The following FBXL19 variants were observed in gnomAD, a reference collection of about 807,000 sequenced individuals.
FBXL19 encodes the protein F-box and leucine rich repeat protein 19.
A neutral mutation model predicts 71.2 loss-of-function variants in FBXL19; 16 were observed. That is an observed-to-expected ratio of 0.22 (90% CI 0.15 to 0.34). The LOEUF is 0.34. Among genes scored for constraint, FBXL19 ranks in the 10% least tolerant of loss-of-function variants. FBXL19 has a pLI of 1.00. For synonymous variants in FBXL19, 447 were observed against 409.4 expected (o/e 1.09, Z -1.11); for missense variants, 658 against 968.2 (o/e 0.68, Z 4.25).
chr16:30,944,132 C>T (rs1399411071), intron 9 of FBXL19, among the ~76,000 whole-genome samples: 1 of 134,734 alleles, frequency 7.4e-6, no homozygotes, highest in Non-Finnish European at 1.5e-5. Context: ...GAATTCAGTT[C>T]AGTTCAGCCC....
intron 2 of FBXL19, among the ~76,000 whole-genome samples, 150 bp from the exon 3 acceptor site, chr16:30,927,156 TCA>T (rs946215118): frequency 6.6e-6 from 1 of 152,188 alleles, no homozygotes; most frequent in African/African-American, 2.4e-5. Flanking sequence ...TTGCTTGAGG[TCA>T]CACTCCCAAA....
At chr16:30,933,223 G>A (rs1183950343) in intron 7 of FBXL19, among the ~76,000 whole-genome samples, 4 of 151,774 alleles carry the variant, frequency 2.6e-5, no homozygotes, top group African/African-American at 9.7e-5. Context: ...GGCTGGTCTC[G>A]AACTCCTGAC....
chr16:30,941,078 T>C (rs2055797340), intron 7 of FBXL19, among the ~76,000 whole-genome samples: 1 of 152,192 alleles, frequency 6.6e-6, no homozygotes, highest in Non-Finnish European at 1.5e-5. Flanking sequence ...TTGGGACCTA[T>C]AACGCTTTCT....
upstream of FBXL19, chr16:30,923,393 T>A (rs1596647722): frequency 5.5e-6 from 2 of 364,250 alleles, no homozygotes; most frequent in Non-Finnish European, 1.1e-5. Flanking sequence ...TGTTCCCCCG[T>A]AGCATCAGTG....
chr16:30,925,792 G>C lies in FBXL19; in HGVS notation c.38G>C (p.Arg13Pro). 6.7e-7 allele frequency: 1 copy of C among 1,491,512 alleles called. No homozygotes were observed. Among genetic ancestry groups the C allele is most frequent in the Non-Finnish European group, 8.9e-7 (1 of 1,124,030 alleles). 92.4% of individuals were successfully genotyped at this position (1,491,512 alleles called of 1,614,324 possible). A position where few individuals can be genotyped will look rare whatever the true frequency, so the allele number is the denominator to read the frequency against. ...AGCCGGGGGCCGGGGGCCGGAGCGCGCCGACGCCGAACCCGCTGCCGCCGC... is the reference window on the plus strand; with the variant it reads ...AGCCGGGGGCCGGGGGCCGGAGCGCCCCGACGCCGAACCCGCTGCCGCCGC... ...SSSRGPGAGARRRRTRCRRCR... is the reference protein window; with the variant it reads ...SSSRGPGAGAPRRRTRCRRCR... Residue 13 changes from arginine (R) to proline (P), a missense_variant, in exon 2 of 11, where the codon CGC becomes CCC. Transcript: ENST00000338343. The surrounding 1 kb of genome is among the most constrained non-coding windows in gnomAD (Gnocchi z 5.0).
At chr16:30,945,524 G>A (rs1016995278) in intron 9 of FBXL19, among the ~76,000 whole-genome samples, 24 of 151,838 alleles carry the variant, frequency 1.6e-4, no homozygotes, top group Non-Finnish European at 2.2e-4. Flanking sequence ...TTAGCCAGGC[G>A]TGGTGGCAAA....
At chr16:30,935,251 C>T (rs74822307) in intron 7 of FBXL19, among the ~76,000 whole-genome samples, 2 of 152,182 alleles carry the variant, frequency 1.3e-5, no homozygotes, top group East Asian at 3.9e-4. Flanking sequence ...CTAATGGCAC[C>T]TGGCGGACAG....
upstream of FBXL19, chr16:30,923,342 C>T: frequency 2.5e-6 from 1 of 402,540 alleles, no homozygotes. Context: ...GCACGCCCTC[C>T]GCCGTCCTGT....
chr16:30,931,301 G>A (rs1485639339), intron 7 of FBXL19, among the ~76,000 whole-genome samples: 2 of 152,184 alleles, frequency 1.3e-5, no homozygotes, highest in African/African-American at 2.4e-5. Flanking sequence ...AGAGGCCTTC[G>A]GCGTGTTGAC....
chr16:30,931,073 G>A (rs1669272036), intron 7 of FBXL19, among the ~76,000 whole-genome samples: 1 of 152,246 alleles, frequency 6.6e-6, no homozygotes, highest in Non-Finnish European at 1.5e-5. Context: ...GCCCTCGAAA[G>A]ACAGCCAGGC....
chr16:30,925,965 C>T lies in FBXL19; in HGVS notation c.177+34C>T. On this transcript the variant is annotated intron_variant, in intron 2 of 10. Transcript: ENST00000338343. This position sits in a 1 kb window ranked among gnomAD's most constrained non-coding sequence, Gnocchi z 5.0. ...TGCCCCCACCTTTGGGCTCTGCCCA[C>T]CCTTCCCAATACCTTCTTGGAATGG... 6.9e-7 allele frequency: 1 copy of T among 1,458,312 alleles called. No homozygotes were observed. The allele number at this position is 1,458,312 out of a possible 1,614,324, so 90.3% of individuals were successfully genotyped here.
At chr16:30,926,296 C>T (rs1438071350) in intron 2 of FBXL19, among the ~76,000 whole-genome samples, 3 of 152,228 alleles carry the variant, frequency 2.0e-5, no homozygotes, top group African/African-American at 7.2e-5. Flanking sequence ...CTGGCCTCTT[C>T]CTCACCCAGG....
At chr16:30,929,944 C>T (rs943772605) in intron 6 of FBXL19, 129 bp from the exon 7 acceptor site, 63 of 1,281,366 alleles carry the variant, frequency 4.9e-5, no homozygotes, top group Middle Eastern at 2.1e-4. Flanking sequence ...TCTCACTGTC[C>T]GGAGCAGAGC....
chr16:30,928,684 C>G (rs1392586055), intron 6 of FBXL19, 56 bp downstream of exon 6: 5 of 1,423,946 alleles, frequency 3.5e-6, no homozygotes, highest in Non-Finnish European at 4.6e-6. Flanking sequence ...CACCCTTCAC[C>G]CTGGAGCCCA....
chr16:30,930,484 G>A lies in FBXL19; in HGVS notation c.1201G>A (p.Asp401Asn). 1 of 1,533,168 alleles carries A rather than the reference G, an allele frequency of 6.5e-7. No homozygotes were observed. The highest frequency in any genetic ancestry group is 8.7e-7 in the Non-Finnish European group (1 of 1,145,426). The allele number at this position is 1,533,168 out of a possible 1,614,324, so 95.0% of individuals were successfully genotyped here. The change falls in exon 7 of 11, where the codon GAC (aspartate) becomes AAC (asparagine). Residue 401 changes from aspartate (D) to asparagine (N), a missense_variant. Physicochemically the swap from Asp to Asn is conservative, Grantham distance 23. Transcript: ENST00000338343. This position sits in a 1 kb window ranked among gnomAD's most constrained non-coding sequence, Gnocchi z 8.5. ...PDTLPLAAGS[D>N]HPLPRAAWLR... ...CACACTCCCCTTGGCTGCTGGATCC[G>A]ACCACCCCCTGCCCCGGGCCGCCTG...
Position 30,947,810 on chromosome 16 carries a change from C to T in FBXL19, c.*580C>T, listed in dbSNP as rs185434226. On this transcript the variant is annotated 3_prime_UTR_variant, in exon 11 of 11. Coordinates refer to ENST00000338343, the MANE Select transcript of FBXL19 (RefSeq NM_001382779.1). ...AGAGCAGGTGTGGGGACAGCAATAC[C>T]CCCTTGGGGGTCACCTCTCTGCTTC... The T allele has an allele frequency of 7.0e-5, 31 of 439,938 alleles. No individual in the cohort carries two copies. Among genetic ancestry groups the T allele is most frequent in the Non-Finnish European group, 1.4e-4 (30 of 219,412 alleles). The allele number at this position is 439,938 out of a possible 1,614,324, so 27.3% of individuals were successfully genotyped here.
intron 7 of FBXL19, among the ~76,000 whole-genome samples, chr16:30,931,545 C>G (rs2055674005): frequency 6.6e-6 from 1 of 152,102 alleles, no homozygotes; most frequent in Non-Finnish European, 1.5e-5. Context: ...TTCATAATGG[C>G]AGCCCTGTGA....
At position 30,925,235 on chromosome 16, in the gene FBXL19, CG is replaced by C. The variant is rs981050192; in HGVS notation, c.-24-489del. ...GCTGTGGATGAAAAGGTTGGTGGGGCGGGGGGGAGGAAAAGTCCGGAGCTTC... is the reference window on the plus strand; with the variant it reads ...GCTGTGGATGAAAAGGTTGGTGGGGCGGGGGGAGGAAAAGTCCGGAGCTTC... On this transcript the variant is annotated intron_variant, in intron 1 of 10. Transcript: ENST00000338343. The surrounding 1 kb of genome is among the most constrained non-coding windows in gnomAD (Gnocchi z 5.0). Among the ~76,000 whole-genome samples the C allele has an allele frequency of 1.4e-5, 2 of 143,418 alleles. No individual in the cohort carries two copies. Among genetic ancestry groups the C allele is most frequent in the East Asian group, 4.1e-4 (2 of 4,884 alleles). The allele number at this position is 143,418 out of a possible 152,430, so 94.1% of individuals were successfully genotyped here. A position where few individuals can be genotyped will look rare whatever the true frequency, so the allele number is the denominator to read the frequency against.
intron 7 of FBXL19, among the ~76,000 whole-genome samples, chr16:30,941,154 T>A (rs1368129310): frequency 6.6e-6 from 1 of 152,116 alleles, no homozygotes; most frequent in Non-Finnish European, 1.5e-5. Context: ...AGTGGAAGCT[T>A]TAAGTAGTTA....
Sources: gnomAD v4.1 joint callset for allele counts (sites outside exome capture counted in the v4.1 genomes callset) on GRCh38, gnomAD v4.1.1 for gene constraint, Gnocchi (gnomAD v3.1) non-coding constraint, MANE v1.5 for transcripts, NCBI Gene and HGNC (gene_info 2026-07-23, HGNC 2026-07-21) for gene names.